The following ZNF16 variants were observed in gnomAD, a reference collection of about 807,000 sequenced individuals.
ZNF16 encodes zinc finger protein KOX9.
In ZNF16, 7 loss-of-function variants were observed where a neutral mutation model predicts 9.0. The observed-to-expected ratio is 0.78, with a 90% CI of 0.44 to 1.47. The LOEUF (loss-of-function observed/expected upper bound fraction) is 1.47, where lower values mean the gene tolerates loss of function less well. Ranked by LOEUF, ZNF16 falls within the 40% of genes most tolerant of loss-of-function variation. The pLI, the probability that ZNF16 is intolerant of heterozygous loss-of-function variation, is 0.01. For missense variants in ZNF16, 830 were observed against 854.2 expected (o/e 0.97, Z 0.35); for synonymous variants, 312 against 301.5 (o/e 1.03, Z -0.36).
Position 144,931,710 on chromosome 8 carries a change from C to A in ZNF16, c.1077G>T (p.Arg359Ser). 6.2e-7 allele frequency: 1 copy of A among 1,612,842 alleles called. No individual in the cohort carries two copies. Among genetic ancestry groups the A allele is most frequent in the Non-Finnish European group, 8.5e-7 (1 of 1,179,534 alleles). The change falls in exon 3 of 3, where the codon AGG becomes AGT. Residue 359 changes from arginine (R) to serine (S), a missense_variant. By Grantham distance (110) the Arg-to-Ser change is moderately radical. Transcript: ENST00000394909. ...GGTGTTTGATGAGGTTTGAGCTTCGCCTGAAGGCCTTCCCACACTCACTGC... is the reference window on the plus strand; with the variant it reads ...GGTGTTTGATGAGGTTTGAGCTTCGACTGAAGGCCTTCCCACACTCACTGC... ...YVCSECGKAF[R>S]RSSNLIKHHR...
intron 2 of ZNF16, among the ~76,000 whole-genome samples, chr8:144,942,554 C>G (rs1833830405): frequency 1.3e-5 from 2 of 152,174 alleles, no homozygotes; most frequent in African/African-American, 4.8e-5. Flanking sequence ...TCCCAAAGTG[C>G]TGGGATTACA....
rs1410542730 is a variant in ZNF16 at position 144,950,864 on chromosome 8, A to AC, written c.-78dup. ...AAGACGTCTCAGCCAACGCCGGCTG[A>AC]CCCCCGGAAGTCCCGCCCCGAATTC... On this transcript the variant is annotated 5_prime_UTR_variant, in exon 1 of 3. Transcript: ENST00000394909. The AC allele has an allele frequency of 6.6e-6, 1 of 150,920 alleles. No homozygotes were observed. Among genetic ancestry groups the AC allele is most frequent in the Admixed American group, 6.6e-5 (1 of 15,130 alleles). 9.3% of individuals were successfully genotyped at this position (150,920 alleles called of 1,614,324 possible). A position where few individuals can be genotyped will look rare whatever the true frequency, so the allele number is the denominator to read the frequency against.
intron 2 of ZNF16, among the ~76,000 whole-genome samples, chr8:144,942,590 T>G (rs906034100): frequency 3.3e-5 from 5 of 152,174 alleles, no homozygotes; most frequent in Non-Finnish European, 7.4e-5. Flanking sequence ...GTCAAGCCCA[T>G]TTTTAAGATA....
chr8:144,946,587 G>GTTGGGCCTGTGTCCTGGTGT (rs1453378330), intron 1 of ZNF16, among the ~76,000 whole-genome samples: 1 of 129,880 alleles, frequency 7.7e-6, no homozygotes. Context: ...GTGTCCTGCT[G>GTTGGGCCTGTGTCCTGGTGT]TGGGTCTGTA....
intron 2 of ZNF16, among the ~76,000 whole-genome samples, chr8:144,934,907 C>T (rs570015921): frequency 1.3e-5 from 2 of 152,164 alleles, no homozygotes; most frequent in South Asian, 2.1e-4. Flanking sequence ...GACATAAAAA[C>T]CAGCCCACTA....
Position 144,932,911 on chromosome 8 carries a change from C to T in ZNF16, c.197-321G>A, listed in dbSNP as rs76815636. Reference sequence around the variant, plus strand: ...GCTGTCCCTTGACTCCCCTCTTCCTCGACACCCACACCAAACCACTGGCAA... The same window carrying T: ...GCTGTCCCTTGACTCCCCTCTTCCTTGACACCCACACCAAACCACTGGCAA... On this transcript the variant is annotated intron_variant, in intron 2 of 2. Coordinates refer to ENST00000394909, the MANE Select transcript of ZNF16 (RefSeq NM_006958.3). This position sits in a 1 kb window ranked among gnomAD's most constrained non-coding sequence, Gnocchi z 5.0. 0.037 allele frequency among the ~76,000 whole-genome samples: 5,647 copies of T among 152,280 alleles called. 203 individuals are homozygous for T. Among genetic ancestry groups the T allele is most frequent in the African/African-American group, 0.096 (3,992 of 41,532 alleles).
intron 2 of ZNF16, among the ~76,000 whole-genome samples, chr8:144,939,831 A>C (rs565118616): frequency 2.1e-4 from 32 of 152,248 alleles, no homozygotes; most frequent in Admixed American, 2.0e-3. Flanking sequence ...GGTCACTAGT[A>C]ATGTTCCCAC....
At position 144,930,771 on chromosome 8, in the gene ZNF16, C is replaced by A. The variant is rs1235324181; in HGVS notation, c.2016G>T (p.Leu672Phe). 1 of 1,534,454 alleles carries A rather than the reference C, an allele frequency of 6.5e-7. No individual in the cohort carries two copies. Among genetic ancestry groups the A allele is most frequent in the Non-Finnish European group, 8.7e-7 (1 of 1,143,604 alleles). Residue 672 changes from leucine (L) to phenylalanine (F), a missense_variant, in exon 3 of 3, where the codon TTG (leucine) becomes TTT (phenylalanine). Physicochemically the swap from Leu to Phe is conservative, Grantham distance 22 (BLOSUM62 0). Transcript: ENST00000394909. The stretch of plus-strand genomic sequence containing the variant: ...TGGTGTGAATCAACTGGTGTTTGAT[C>A]AACTTTGATCGCTGGCTGAAGGCTT... ...CGKAFSQRSK[L>F]IKHQLIHTRE
rs151116766 is a variant in ZNF16, at chr8:144,934,384, C to T, written c.197-1794G>A. 2.5e-3 allele frequency among the ~76,000 whole-genome samples: 379 copies of T among 152,360 alleles called. 4 individuals are homozygous for T. Among genetic ancestry groups the T allele is most frequent in the Middle Eastern group, 0.01 (3 of 294 alleles). ...ACGTGCCAGCACACAGATGTGGGTG[C>T]CTTTCTTTACCACCCTGCTGCCCTT... On this transcript the variant is annotated intron_variant, in intron 2 of 2. Transcript: ENST00000394909.
rs1833497836 is a variant in ZNF16 at position 144,930,554 on chromosome 8, T to G, written c.*184A>C. 1 of 608,734 alleles carries G rather than the reference T, an allele frequency of 1.6e-6. No homozygotes were observed. Among genetic ancestry groups the G allele is most frequent in the Non-Finnish European group, 2.7e-6 (1 of 367,688 alleles). The allele number at this position is 608,734 out of a possible 1,614,324, so 37.7% of individuals were successfully genotyped here. ...AAGACATCACAAGAGGCAAGAGCAG[T>G]GGCAGTGAGAAGGGAGCCTGTAAAG... On this transcript the variant is annotated 3_prime_UTR_variant, in exon 3 of 3. Transcript: ENST00000394909.
rs377404267 is a variant in ZNF16, at chr8:144,931,056, C to T, written c.1731G>A (p.Gln577=). 1.8e-5 allele frequency: 29 copies of T among 1,614,088 alleles called. No individual in the cohort carries two copies. Among genetic ancestry groups the T allele is most frequent in the Non-Finnish European group, 2.3e-5 (27 of 1,180,044 alleles). Residue 577 remains glutamine (Q), a synonymous_variant, in exon 3 of 3, where the codon CAG becomes CAA. Transcript: ENST00000394909. ...AGCTTCGGTTGAAGGCTTTACCACA[C>T]TGGTTACATTCATGGGGCTTCAGCC... ...HNGLKPHECN[Q]CGKAFNRSSN... is the part of the protein sequence containing the mutation.
At chr8:144,941,663 G>T in intron 2 of ZNF16, among the ~76,000 whole-genome samples, 1 of 145,454 alleles carries the variant, frequency 6.9e-6, no homozygotes, top group Non-Finnish European at 1.5e-5. Flanking sequence ...TACTTCTTGT[G>T]TCCATTTTTT....
intron 2 of ZNF16, among the ~76,000 whole-genome samples, chr8:144,937,945 G>C (rs2130020339): frequency 6.6e-6 from 1 of 152,286 alleles, no homozygotes; most frequent in African/African-American, 2.4e-5. Flanking sequence ...TGGGATTACA[G>C]GCATGAGCCA....
At chr8:144,934,411 G>T (rs1036624728) in intron 2 of ZNF16, among the ~76,000 whole-genome samples, 2 of 152,218 alleles carry the variant, frequency 1.3e-5, no homozygotes, top group African/African-American at 2.4e-5. Flanking sequence ...GCTGCCCTTT[G>T]GCAGGCCTGC....
chr8:144,936,078 C>A (rs1833674958), intron 2 of ZNF16, among the ~76,000 whole-genome samples: 1 of 152,148 alleles, frequency 6.6e-6, no homozygotes, highest in African/African-American at 2.4e-5. Context: ...CAGTTTATCC[C>A]CATCTTCCTC....
At chr8:144,947,488 G>A (rs1833993075) in intron 1 of ZNF16, among the ~76,000 whole-genome samples, 1 of 152,172 alleles carries the variant, frequency 6.6e-6, no homozygotes, top group Admixed American at 6.5e-5. Context: ...TAGAGTGGGA[G>A]AACAGCAGCT....
intron 2 of ZNF16, among the ~76,000 whole-genome samples, chr8:144,941,020 T>C (rs1169562954): frequency 6.6e-6 from 1 of 152,092 alleles, no homozygotes; most frequent in African/African-American, 2.4e-5. Context: ...GATTTCAAGA[T>C]ATGACTGGAG....
intron 1 of ZNF16, among the ~76,000 whole-genome samples, chr8:144,949,803 T>TC (rs1834050255): frequency 6.6e-6 from 1 of 152,148 alleles, no homozygotes; most frequent in African/African-American, 2.4e-5. Flanking sequence ...CCAAGATTTG[T>TC]CCCCATGTGA....
At chr8:144,948,989 G>A (rs1213740324) in intron 1 of ZNF16, among the ~76,000 whole-genome samples, 1 of 152,258 alleles carries the variant, frequency 6.6e-6, no homozygotes, top group Non-Finnish European at 1.5e-5. Flanking sequence ...CACATGGAAG[G>A]ACCTCGGAGA....
Sources: allele counts gnomAD v4.1 joint callset (sites outside exome capture counted in the v4.1 genomes callset), GRCh38; gene constraint gnomAD v4.1.1; non-coding constraint Gnocchi (gnomAD v3.1); transcripts MANE v1.5; gene names NCBI Gene and HGNC (gene_info 2026-07-23, HGNC 2026-07-21).